Variants in CLEC2A observed in about 807,000 individuals in gnomAD.
CLEC2A encodes the protein C-type lectin domain family 2 member A.
A neutral mutation model predicts 18.6 loss-of-function variants in CLEC2A; 19 were observed. That is an observed-to-expected ratio of 1.02 (90% CI 0.71 to 1.50). CLEC2A has a LOEUF of 1.50. CLEC2A is among the 40% of genes most tolerant of loss of function. CLEC2A has a pLI of 0.00. For synonymous variants in CLEC2A, 74 were observed against 64.0 expected (o/e 1.16, Z -0.75); for missense variants, 190 against 207.9 (o/e 0.91, Z 0.53).
downstream of CLEC2A, among the ~76,000 whole-genome samples, chr12:9,896,554 T>C (rs1040691755): frequency 6.6e-6 from 1 of 152,072 alleles, no homozygotes; most frequent in Admixed American, 6.5e-5. Flanking sequence ...GAAATACAAA[T>C]TTATTTCTTT....
At chr12:9,918,867 C>G (rs1337749881) in intron 3 of CLEC2A, among the ~76,000 whole-genome samples, 1 of 152,108 alleles carries the variant, frequency 6.6e-6, no homozygotes, top group African/African-American at 2.4e-5. Context: ...GTCGATAGAT[C>G]TCTTTTCTGT....
the CLEC2A span, among the ~76,000 whole-genome samples, chr12:9,883,073 T>A: frequency 6.6e-6 from 1 of 152,162 alleles, no homozygotes; most frequent in African/African-American, 2.4e-5. Context: ...GGAAAATAAA[T>A]TGGGCCAGAA....
intron 1 of CLEC2A, among the ~76,000 whole-genome samples, chr12:9,931,231 A>G (rs1863370314): frequency 6.6e-6 from 1 of 152,202 alleles, no homozygotes; most frequent in South Asian, 2.1e-4. Context: ...TTATTTGGCT[A>G]AAGGGATGGA....
chr12:9,917,479 G>A (rs144222279), intron 3 of CLEC2A, among the ~76,000 whole-genome samples: 2 of 152,262 alleles, frequency 1.3e-5, no homozygotes, highest in African/African-American at 4.8e-5. Flanking sequence ...GTGTTAAACA[G>A]AACAATTAAC....
intron 4 of CLEC2A, among the ~76,000 whole-genome samples, chr12:9,914,257 G>T (rs910061332): frequency 6.6e-6 from 1 of 152,052 alleles, no homozygotes; most frequent in African/African-American, 2.4e-5. Flanking sequence ...TGGATAGAAA[G>T]AATCAATATT....
chr12:9,881,708 T>C, the CLEC2A span: 183 of 1,312,726 alleles, frequency 1.4e-4, no homozygotes, highest in Middle Eastern at 7.2e-4. Flanking sequence ...AATTTCATTA[T>C]TCTTCTAGGA....
At chr12:9,906,020 GT>G (rs367651590) in intron 4 of CLEC2A, among the ~76,000 whole-genome samples, 218 of 83,098 alleles carry the variant, frequency 2.6e-3, no homozygotes, top group African/African-American at 0.01. Flanking sequence ...CCACTTATTA[GT>G]TTTGTTTTTT....
intron 1 of CLEC2A, among the ~76,000 whole-genome samples, chr12:9,931,479 G>A (rs1863374441): frequency 6.6e-6 from 1 of 152,114 alleles, no homozygotes; most frequent in African/African-American, 2.4e-5. Context: ...TCTAGTATAG[G>A]CTGCTAGAAA....
At chr12:9,885,823 T>G in the CLEC2A span, among the ~76,000 whole-genome samples, 2 of 152,086 alleles carry the variant, frequency 1.3e-5, no homozygotes, top group Non-Finnish European at 2.9e-5. Context: ...AAATGTCCAC[T>G]TATTTAACAT....
At chr12:9,895,524 G>A (rs1391578144), downstream of CLEC2A, among the ~76,000 whole-genome samples, 1 of 152,242 alleles carries the variant, frequency 6.6e-6, no homozygotes, top group Non-Finnish European at 1.5e-5. Flanking sequence ...ACCAAGATAG[G>A]AAAGAGGAGA....
the CLEC2A span, chr12:9,893,352 C>T: frequency 1.2e-6 from 1 of 817,320 alleles, no homozygotes; most frequent in Admixed American, 2.8e-5. Context: ...TTAATGCCGG[C>T]ACAGAGACTT....
intron 4 of CLEC2A, among the ~76,000 whole-genome samples, chr12:9,901,705 T>C (rs181948134): frequency 2.0e-5 from 3 of 152,032 alleles, no homozygotes; most frequent in Non-Finnish European, 4.4e-5. Context: ...GGCTGTCAAA[T>C]ATGTTCAAGA....
intron 1 of CLEC2A, among the ~76,000 whole-genome samples, chr12:9,929,295 T>G (rs113299597): frequency 4.6e-5 from 7 of 152,208 alleles, no homozygotes; most frequent in African/African-American, 1.2e-4. Context: ...AGCATTGTAC[T>G]ACACTATTGC....
the CLEC2A span, among the ~76,000 whole-genome samples, chr12:9,888,409 G>A: frequency 6.6e-6 from 1 of 151,940 alleles, no homozygotes; most frequent in Non-Finnish European, 1.5e-5. Context: ...AGAATGGCGA[G>A]AACCTGGGAG....
chr12:9,930,560 T>C (rs1464455931), intron 1 of CLEC2A, among the ~76,000 whole-genome samples: 1 of 152,094 alleles, frequency 6.6e-6, no homozygotes, highest in African/African-American at 2.4e-5. Context: ...TAACGTCTCC[T>C]ATTATCTCAT....
chr12:9,895,320 G>A (rs1862744644), downstream of CLEC2A, among the ~76,000 whole-genome samples: 1 of 152,200 alleles, frequency 6.6e-6, no homozygotes, highest in Non-Finnish European at 1.5e-5. Flanking sequence ...TCAGTTCGAA[G>A]GCTATGGCTA....
the CLEC2A span, among the ~76,000 whole-genome samples, chr12:9,890,594 G>A: frequency 1.7e-4 from 26 of 152,208 alleles, no homozygotes; most frequent in African/African-American, 6.3e-4. Flanking sequence ...GGCAACAGGA[G>A]TTATCTCTCT....
At chr12:9,919,822 T>A (rs966100022) in intron 3 of CLEC2A, among the ~76,000 whole-genome samples, 2 of 152,210 alleles carry the variant, frequency 1.3e-5, no homozygotes, top group African/African-American at 4.8e-5. Flanking sequence ...CTGTGAGCTC[T>A]GTGCCAGGGA....
At chr12:9,880,520 ATGTGTGTGTGTG>A in the CLEC2A span, among the ~76,000 whole-genome samples, 1 of 147,220 alleles carries the variant, frequency 6.8e-6, no homozygotes, top group Non-Finnish European at 1.5e-5. Context: ...AACCATTAGC[ATGTGTGTGTGTG>A]TGTGTGTGTG....
Sources: allele counts gnomAD v4.1 joint callset (sites outside exome capture counted in the v4.1 genomes callset), GRCh38; gene constraint gnomAD v4.1.1; transcripts MANE v1.5; gene names NCBI Gene and HGNC (gene_info 2026-07-23, HGNC 2026-07-21).